CHD9: variants seen among roughly 807,000 people sequenced by gnomAD.
CHD9 encodes chromodomain helicase DNA binding protein 9, also known as ATP-dependent chromatin remodeler CHD9.
CHD9 carries 77 observed loss-of-function variants against 316.1 expected under a neutral mutation model. The ratio of observed to expected loss-of-function variants is 0.24; its 90% CI spans 0.20 to 0.29. The LOEUF is 0.29. Ranked by LOEUF, CHD9 falls within the 10% of genes least tolerant of loss-of-function variation. The pLI is 1.00. For missense variants in CHD9, 2,763 were observed against 3,438.1 expected, an observed-to-expected ratio of 0.80 and a Z score of 4.91; for synonymous variants, 1,129 against 1,158.3, an observed-to-expected ratio of 0.97 and a Z score of 0.51.
chr16:53,218,445 G>A (rs1374595051), intron 3 of CHD9, among the ~76,000 whole-genome samples: 2 of 152,054 alleles, frequency 1.3e-5, no homozygotes, highest in Non-Finnish European at 2.9e-5. Context: ...TTGGTAGTTA[G>A]TATTTATTTA....
chr16:53,243,351 C>A (rs1308282445), intron 13 of CHD9, among the ~76,000 whole-genome samples: 1 of 152,110 alleles, frequency 6.6e-6, no homozygotes, highest in Non-Finnish European at 1.5e-5. Context: ...TTCTCTCTTG[C>A]TGCCCAGGCT....
At chr16:53,056,942 G>A (rs1195090777) in intron 1 of CHD9, among the ~76,000 whole-genome samples, 5 of 152,006 alleles carry the variant, frequency 3.3e-5, no homozygotes, top group Non-Finnish European at 7.4e-5. Flanking sequence ...GAGGCTAGGA[G>A]TTTCAGATCA....
rs1162463344 is a variant in CHD9 at position 53,177,392 on chromosome 16, C to T, written c.1452+19851C>T. On this transcript the variant is annotated intron_variant, in intron 2 of 38. Coordinates refer to ENST00000447540, the MANE Select transcript of CHD9 (RefSeq NM_001308319.2). ...TAAAAGTAATGATTTGTTTGTACGT[C>T]TGGATCTGAAAGGGAAAAAAACGAA... Among the ~76,000 whole-genome samples, 3 of 152,124 alleles carry T rather than the reference C, an allele frequency of 2.0e-5. No homozygotes were observed. The East Asian group carries it at 5.8e-4, about 29-fold the overall frequency.
chr16:53,308,926 C>T lies in CHD9; in HGVS notation c.7222+72C>T, dbSNP rs548689932. On this transcript the variant is annotated intron_variant, in intron 34 of 38. Transcript: ENST00000447540. ...ATGTCCAAATCTTCTTTTATAGATG[C>T]TTGTAATAAAAATTTATTTTTCCTT... 39 of 1,204,232 alleles carry T rather than the reference C, an allele frequency of 3.2e-5. No individual in the cohort carries two copies. In the African/African-American group the frequency reaches 5.2e-4, roughly 16 times the overall value. 74.6% of individuals were successfully genotyped at this position (1,204,232 alleles called of 1,614,324 possible).
chr16:53,290,896 A>G (rs1317603817), intron 27 of CHD9, among the ~76,000 whole-genome samples: 1 of 152,262 alleles, frequency 6.6e-6, no homozygotes, highest in Non-Finnish European at 1.5e-5. Flanking sequence ...GCATGATAAC[A>G]TCTGGCATGT....
intron 22 of CHD9, among the ~76,000 whole-genome samples, chr16:53,270,548 A>C (rs1351059125): frequency 1.3e-5 from 2 of 152,190 alleles, no homozygotes; most frequent in Non-Finnish European, 2.9e-5. Context: ...CATTTACTTC[A>C]AAATAATGTG....
chr16:53,231,378 G>T lies in CHD9; in HGVS notation c.2287-41G>T, dbSNP rs747702177. 22 of 1,166,230 alleles carry T rather than the reference G, an allele frequency of 1.9e-5. No homozygotes were observed. The Admixed American group carries it at 2.2e-4, about 12-fold the overall frequency. 72.2% of individuals were successfully genotyped at this position (1,166,230 alleles called of 1,614,324 possible). A position where few individuals can be genotyped will look rare whatever the true frequency, so the allele number is the denominator to read the frequency against. ...ATTCGTCCTTACTTTTATCATTCCA[G>T]TTCTTTGTCAGATGTCAATTAAGTT... On this transcript the variant is annotated intron_variant, in intron 8 of 38. Transcript: ENST00000447540.
intron 1 of CHD9, among the ~76,000 whole-genome samples, chr16:53,123,605 G>A (rs1459209779): frequency 1.3e-5 from 2 of 151,884 alleles, no homozygotes; most frequent in East Asian, 1.9e-4. Context: ...GGGTTCAAGC[G>A]ATCCTCCTGC....
At chr16:53,055,895 G>C (rs542221672) in intron 1 of CHD9, among the ~76,000 whole-genome samples, 55 of 152,286 alleles carry the variant, frequency 3.6e-4, no homozygotes, top group African/African-American at 1.3e-3. Context: ...GGGTAGGAAG[G>C]GGGTTCCTCC....
At chr16:53,141,784 C>CTT (rs2152708022) in intron 1 of CHD9, among the ~76,000 whole-genome samples, 1 of 152,136 alleles carries the variant, frequency 6.6e-6, no homozygotes, top group South Asian at 2.1e-4. Flanking sequence ...TGTATAATAA[C>CTT]TTGAAGTGTT....
rs777207658 is a variant in CHD9, at chr16:53,306,352, T to C, written c.6735T>C (p.Tyr2245=). Residue 2245 remains tyrosine (Y), a synonymous_variant, in exon 32 of 39, where the codon TAT becomes TAC. Coordinates refer to ENST00000447540, the MANE Select transcript of CHD9 (RefSeq NM_001308319.2). The part of the protein sequence containing the change: ...QMNNGTPESA[Y]ILQGGYMLAA... ...ACAATGGGACACCAGAGTCTGCTTA[T>C]ATCTTACAAGGTGGATATATGCTGG... The C allele has an allele frequency of 6.2e-7, 1 of 1,609,920 alleles. No homozygotes were observed. The highest frequency in any genetic ancestry group is 1.1e-5 in the South Asian group (1 of 90,494).
At chr16:53,284,792 T>C (rs187516671) in intron 24 of CHD9, among the ~76,000 whole-genome samples, 11 of 152,254 alleles carry the variant, frequency 7.2e-5, no homozygotes. Context: ...CGAGACAGGG[T>C]CTCATTCCCG....
intron 28 of CHD9, 143 bp downstream of exon 28, chr16:53,291,910 A>G (rs529847795): frequency 1.2e-4 from 55 of 472,748 alleles, no homozygotes; most frequent in African/African-American, 1.1e-3. Context: ...TATAGGACAT[A>G]CTAGTTGACT....
intron 24 of CHD9, among the ~76,000 whole-genome samples, chr16:53,282,826 T>C (rs1470346457): frequency 6.6e-6 from 1 of 152,166 alleles, no homozygotes; most frequent in African/African-American, 2.4e-5. Context: ...ACCATTCTCC[T>C]GTGGTTTTTC....
intron 1 of CHD9, among the ~76,000 whole-genome samples, chr16:53,113,306 A>T (rs1235375302): frequency 6.6e-6 from 1 of 151,918 alleles, no homozygotes; most frequent in Non-Finnish European, 1.5e-5. Flanking sequence ...CCTGGACTAC[A>T]ACTCAGATAT....
intron 24 of CHD9, among the ~76,000 whole-genome samples, chr16:53,284,974 C>A (rs1437289193): frequency 6.6e-6 from 1 of 152,030 alleles, no homozygotes; most frequent in Non-Finnish European, 1.5e-5. Flanking sequence ...GCCACGTTGC[C>A]CAGGCTGGTC....
chr16:53,291,855 A>G, intron 28 of CHD9, 88 bp downstream of exon 28: 1 of 792,364 alleles, frequency 1.3e-6, no homozygotes, highest in Non-Finnish European at 1.9e-6. Context: ...ACACTTTTAT[A>G]ATGTTTCATA....
At chr16:53,219,372 A>C (rs1446351154) in intron 3 of CHD9, among the ~76,000 whole-genome samples, 1 of 152,180 alleles carries the variant, frequency 6.6e-6, no homozygotes, top group Non-Finnish European at 1.5e-5. Context: ...GTAGTTAAGA[A>C]AAGATTAAAT....
At chr16:53,249,749 A>C in intron 16 of CHD9, 122 bp from the exon 17 acceptor site, 1 of 765,354 alleles carries the variant, frequency 1.3e-6, no homozygotes, top group Non-Finnish European at 2.1e-6. Flanking sequence ...ACTTGAGATG[A>C]TATTGCTTCT....
Sources: gnomAD v4.1 joint callset for allele counts (sites outside exome capture counted in the v4.1 genomes callset) on GRCh38, gnomAD v4.1.1 for gene constraint, MANE v1.5 for transcripts, NCBI Gene and HGNC (gene_info 2026-07-23, HGNC 2026-07-21) for gene names.